Variants in RASGRF1 observed in about 807,000 individuals in gnomAD.
The protein encoded by RASGRF1 is Ras protein specific guanine nucleotide releasing factor 1, also known as ras-specific guanine nucleotide-releasing factor 1.
RASGRF1 carries 40 observed loss-of-function variants against 138.7 expected under a neutral mutation model. That is an observed-to-expected ratio of 0.29 (90% CI 0.22 to 0.38). The LOEUF (loss-of-function observed/expected upper bound fraction) is 0.38, where lower values mean the gene tolerates loss of function less well. Ranked by LOEUF, RASGRF1 falls within the 10% of genes least tolerant of loss-of-function variation. The pLI is 1.00. For synonymous variants in RASGRF1, 614 were observed against 663.2 expected (o/e 0.93, Z 1.14); for missense variants, 1,108 against 1,650.4 (o/e 0.67, Z 5.69).
chr15:79,084,989 T>C lies in RASGRF1; in HGVS notation c.276+5234A>G, dbSNP rs913463835. Among the ~76,000 whole-genome samples the C allele has an allele frequency of 1.8e-4, 28 of 152,182 alleles. 1 individual carries two copies. Among genetic ancestry groups the C allele is most frequent in the African/African-American group, 6.8e-4 (28 of 41,442 alleles). Reference sequence around the variant, plus strand: ...TTCATCCTCTCAGGGCTTCCACCTCTCTCACCTGGACTCTGGGTTCCAGCA... The same window carrying C: ...TTCATCCTCTCAGGGCTTCCACCTCCCTCACCTGGACTCTGGGTTCCAGCA... On this transcript the variant is annotated intron_variant, in intron 1 of 26. Transcript: ENST00000558480.
At chr15:78,966,304 A>C (rs1263371662) in intron 26 of RASGRF1, among the ~76,000 whole-genome samples, 3 of 141,748 alleles carry the variant, frequency 2.1e-5, no homozygotes, top group African/African-American at 8.0e-5. Context: ...TGGCACGATC[A>C]TGGCTCACTG....
intron 13 of RASGRF1, among the ~76,000 whole-genome samples, chr15:79,010,574 A>G (rs1348177963): frequency 1.3e-5 from 2 of 152,238 alleles, no homozygotes; most frequent in Non-Finnish European, 1.5e-5. Context: ...GTGCCTTACA[A>G]TGTGAACATT....
intron 21 of RASGRF1, among the ~76,000 whole-genome samples, chr15:78,990,762 G>A (rs2056252587): frequency 6.6e-6 from 1 of 152,228 alleles, no homozygotes; most frequent in African/African-American, 2.4e-5. Flanking sequence ...ACAGGGAGAG[G>A]GGACCTCGGC....
intron 5 of RASGRF1, among the ~76,000 whole-genome samples, chr15:79,038,258 C>A (rs930122257): frequency 6.6e-6 from 1 of 152,196 alleles, no homozygotes; most frequent in Non-Finnish European, 1.5e-5. Context: ...CAGACAGCTT[C>A]AGCACAGCAG....
At chr15:79,017,553 A>G (rs1333155139) in intron 12 of RASGRF1, among the ~76,000 whole-genome samples, 2 of 152,142 alleles carry the variant, frequency 1.3e-5, no homozygotes, top group Non-Finnish European at 2.9e-5. Flanking sequence ...GGGTTTCCAG[A>G]CCACACTTTC....
At chr15:79,082,639 G>A (rs1006797774) in intron 1 of RASGRF1, among the ~76,000 whole-genome samples, 32 of 152,206 alleles carry the variant, frequency 2.1e-4, no homozygotes, top group African/African-American at 7.7e-4. Flanking sequence ...CAGTGGTGGA[G>A]GAAGAGAGGG....
intron 24 of RASGRF1, chr15:78,979,373 C>T: frequency 3.2e-6 from 1 of 316,430 alleles, no homozygotes; most frequent in Middle Eastern, 4.0e-4. Context: ...TTTGGCTGGC[C>T]CCATCCTCAG....
chr15:79,084,345 C>T (rs1472420398), intron 1 of RASGRF1, among the ~76,000 whole-genome samples: 1 of 151,738 alleles, frequency 6.6e-6, no homozygotes, highest in East Asian at 1.9e-4. Context: ...CTTCCCAGTG[C>T]TGGCTCGTTG....
chr15:79,002,767 T>C (rs1406630490), intron 15 of RASGRF1, among the ~76,000 whole-genome samples: 2 of 152,208 alleles, frequency 1.3e-5, no homozygotes, highest in Non-Finnish European at 1.5e-5. Context: ...CGGTGAGTGT[T>C]ACTTGGTATG....
At chr15:79,019,901 G>C (rs913750629) in intron 11 of RASGRF1, 140 bp downstream of exon 11, 2 of 938,364 alleles carry the variant, frequency 2.1e-6, no homozygotes, top group Non-Finnish European at 3.3e-6. Flanking sequence ...GTGTGCATGA[G>C]GGCATGTGTG....
Position 79,046,711 on chromosome 15 carries a change from C to T in RASGRF1, c.878+35G>A, listed in dbSNP as rs777033012. 1.2e-6 allele frequency: 2 copies of T among 1,609,434 alleles called. No individual in the cohort carries two copies. On this transcript the variant is annotated intron_variant, in intron 5 of 26. Transcript: ENST00000558480. This position sits in a 1 kb window ranked among gnomAD's most constrained non-coding sequence, Gnocchi z 5.3. ...AGCTGCGGCCAATGCTCACTAGTCT[C>T]CTTCCTGCCTTGGCCAACCTTTAGG...
rs1407152670 is a variant in RASGRF1 at position 79,090,680 on chromosome 15, A to G, written c.-182T>C. ...CCGAGCCGCGGCTTCTTGAATCCAG[A>G]TATACCATTCCCCGCTGGAACCTCT... On this transcript the variant is annotated 5_prime_UTR_variant, in exon 1 of 27. Coordinates refer to ENST00000558480, the MANE Select transcript of RASGRF1 (RefSeq NM_001145648.3). The G allele has an allele frequency of 6.2e-6, 5 of 805,930 alleles. No homozygotes were observed. Among genetic ancestry groups the G allele is most frequent in the Non-Finnish European group, 7.6e-6 (4 of 527,518 alleles). 49.9% of individuals were successfully genotyped at this position (805,930 alleles called of 1,614,324 possible).
intron 1 of RASGRF1, among the ~76,000 whole-genome samples, chr15:79,076,306 G>C (rs1425615448): frequency 6.7e-6 from 1 of 149,666 alleles, no homozygotes; most frequent in African/African-American, 2.4e-5. Context: ...GAGGGGAGGG[G>C]AGGGGAGGTT....
intron 23 of RASGRF1, among the ~76,000 whole-genome samples, chr15:78,982,236 C>T (rs562603882): frequency 2.6e-5 from 4 of 152,314 alleles, no homozygotes; most frequent in African/African-American, 9.6e-5. Context: ...AGTGGCCATG[C>T]AGTTCTAGAT....
At chr15:79,011,670 T>C (rs993850792) in intron 13 of RASGRF1, among the ~76,000 whole-genome samples, 1 of 152,260 alleles carries the variant, frequency 6.6e-6, no homozygotes. Context: ...GTGCTTTCCA[T>C]TGCATGGGCT....
At chr15:79,055,669 C>A (rs1195644467) in intron 3 of RASGRF1, among the ~76,000 whole-genome samples, 1 of 152,156 alleles carries the variant, frequency 6.6e-6, no homozygotes, top group African/African-American at 2.4e-5. Context: ...CACCTACACC[C>A]CTTCTCTGAC....
At chr15:79,054,591 C>T (rs1375021087) in intron 3 of RASGRF1, among the ~76,000 whole-genome samples, 1 of 152,196 alleles carries the variant, frequency 6.6e-6, no homozygotes, top group Non-Finnish European at 1.5e-5. Context: ...TTCCCCAGCC[C>T]AGCCATATGA....
At chr15:78,974,451 T>A (rs1379497389) in intron 24 of RASGRF1, among the ~76,000 whole-genome samples, 2 of 152,178 alleles carry the variant, frequency 1.3e-5, no homozygotes, top group Non-Finnish European at 2.9e-5. Context: ...CTGGCCCCTG[T>A]CCCTCACCTG....
intron 3 of RASGRF1, 25 bp from the exon 4 acceptor site, chr15:79,049,613 TGTGA>T (rs1170641796): frequency 6.3e-7 from 1 of 1,598,550 alleles, no homozygotes; most frequent in Non-Finnish European, 8.5e-7. Context: ...CAGGTCAGCC[TGTGA>T]GGGGCGCTGG....
Sources: gnomAD v4.1 joint callset for allele counts (sites outside exome capture counted in the v4.1 genomes callset) on GRCh38, gnomAD v4.1.1 for gene constraint, Gnocchi (gnomAD v3.1) non-coding constraint, MANE v1.5 for transcripts, NCBI Gene and HGNC (gene_info 2026-07-23, HGNC 2026-07-21) for gene names.